Variants in OSBPL10 observed in about 807,000 individuals in gnomAD.
OSBPL10 encodes oxysterol-binding protein-related protein 10.
In OSBPL10, 49 loss-of-function variants were observed where a neutral mutation model predicts 81.7. The ratio of observed to expected loss-of-function variants is 0.60; its 90% CI spans 0.48 to 0.76. The LOEUF is 0.76. OSBPL10 is among the 30% of genes least tolerant of loss of function. The pLI is 0.00. For missense variants in OSBPL10, 923 were observed against 987.8 expected (o/e 0.93, Z 0.88); for synonymous variants, 419 against 383.6 (o/e 1.09, Z -1.08).
Position 31,981,126 on chromosome 3 carries a change from G to A in OSBPL10, c.54C>T (p.Ser18=). The A allele has an allele frequency of 2.0e-6, 3 of 1,492,918 alleles. No individual in the cohort carries two copies. In the South Asian group the frequency reaches 3.8e-5, roughly 19 times the overall value. The allele number at this position is 1,492,918 out of a possible 1,614,324, so 92.5% of individuals were successfully genotyped here. A position where few individuals can be genotyped will look rare whatever the true frequency, so the allele number is the denominator to read the frequency against. The change falls in exon 1 of 12, where the codon AGC becomes AGT. Residue 18 remains serine (S), a synonymous_variant. Coordinates refer to ENST00000396556, the MANE Select transcript of OSBPL10 (RefSeq NM_017784.5). This position sits in a 1 kb window ranked among gnomAD's most constrained non-coding sequence, Gnocchi z 4.5. ...CCGAGGTAGCACGGCTGCTGCTGCG[G>A]CTGCTGCTGTTGCTACCCCCGCCGC... The part of the protein sequence containing the change: ...TDGGGGSNSS[S]RSSSRATSAG...
In OSBPL10 at chr3:32,000,477, G is replaced by A. The variant is rs558755774; in HGVS notation, n.298+46014C>T. Among the ~76,000 whole-genome samples, 3 of 152,304 alleles carry A rather than the reference G, an allele frequency of 2.0e-5. No individual in the cohort carries two copies. In the South Asian group the frequency reaches 6.2e-4, roughly 32 times the overall value. The stretch of plus-strand genomic sequence containing the variant: ...CACACCAGTGGGCCTCTGTGAGGGC[G>A]AAATGAAATTGTAAGGAGGCCAGCA... On this transcript the variant is annotated intron_variant and non_coding_transcript_variant, in intron 2 of 3. Coordinates refer to the OSBPL10 transcript ENST00000479173.
At chr3:31,726,594 G>A (rs1291082618) in intron 6 of OSBPL10, among the ~76,000 whole-genome samples, 4 of 152,128 alleles carry the variant, frequency 2.6e-5, no homozygotes, top group East Asian at 1.9e-4. Flanking sequence ...AATTACAGGC[G>A]TGAGCCACCG....
At chr3:31,912,490 C>T (rs1696612069) in intron 1 of OSBPL10, among the ~76,000 whole-genome samples, 1 of 152,006 alleles carries the variant, frequency 6.6e-6, no homozygotes, top group African/African-American at 2.4e-5. Flanking sequence ...TGAGAAGTTC[C>T]AAATGGCAGA....
intron 1 of OSBPL10, among the ~76,000 whole-genome samples, chr3:31,959,084 A>G (rs1698086245): frequency 6.6e-6 from 1 of 152,198 alleles, no homozygotes; most frequent in Admixed American, 6.5e-5. Context: ...GACGCACGCA[A>G]TGGAATCACA....
chr3:31,736,360 T>C (rs1234224103), intron 5 of OSBPL10, among the ~76,000 whole-genome samples: 1 of 152,212 alleles, frequency 6.6e-6, no homozygotes, highest in Non-Finnish European at 1.5e-5. Flanking sequence ...CTTCATGTTA[T>C]TTTTTAAAAG....
intron 3 of OSBPL10, among the ~76,000 whole-genome samples, chr3:31,862,794 T>C (rs796540689): frequency 1.6e-4 from 24 of 152,108 alleles, no homozygotes; most frequent in African/African-American, 5.5e-4. Flanking sequence ...TATGGAAAAA[T>C]TGGAACCCTA....
intron 4 of OSBPL10, among the ~76,000 whole-genome samples, chr3:31,801,691 A>G (rs1410655770): frequency 3.3e-5 from 5 of 152,214 alleles, no homozygotes; most frequent in African/African-American, 1.2e-4. Context: ...ATTGCAAGGA[A>G]AGAAAGAAGC....
chr3:31,722,522 T>C (rs1696678172), intron 6 of OSBPL10, among the ~76,000 whole-genome samples: 1 of 152,192 alleles, frequency 6.6e-6, no homozygotes, highest in Non-Finnish European at 1.5e-5. Flanking sequence ...AATGGGGTTT[T>C]TAAAAGCCAG....
At position 31,717,795 on chromosome 3, in the gene OSBPL10, G is replaced by A. The variant is rs193024754; in HGVS notation, c.1096-15287C>T. Among the ~76,000 whole-genome samples, 20 of 152,110 alleles carry A rather than the reference G, an allele frequency of 1.3e-4. 1 individual carries two copies. In the East Asian group the frequency reaches 2.9e-3, roughly 22 times the overall value. On this transcript the variant is annotated intron_variant, in intron 6 of 11. Transcript: ENST00000396556. ...ATTCATATTTTTTTCACATTATTCC[G>A]CTGCCATAAACCCCAAATGAGGCTC...
chr3:31,941,388 T>C (rs1433711186), intron 1 of OSBPL10, among the ~76,000 whole-genome samples: 3 of 152,192 alleles, frequency 2.0e-5, no homozygotes, highest in African/African-American at 4.8e-5. Flanking sequence ...GGGAAGACTC[T>C]TTGATGGATA....
rs1470438949 is a variant in OSBPL10 at position 32,066,193 on chromosome 3, G to A, written n.185+11203C>T. 2.9e-4 allele frequency among the ~76,000 whole-genome samples: 23 copies of A among 80,270 alleles called. 7 individuals are homozygous for A. Among genetic ancestry groups the A allele is most frequent in the Non-Finnish European group, 3.4e-4 (10 of 29,804 alleles). 52.7% of individuals were successfully genotyped at this position (80,270 alleles called of 152,430 possible). ...GGAAGGAAGGAAGGAAGGAAGGAAG[G>A]AAGGAAGGAAGGAAGGAAGGAAGGA... On this transcript the variant is annotated intron_variant and non_coding_transcript_variant, in intron 1 of 3. Transcript: ENST00000479173.
intron 10 of OSBPL10, among the ~76,000 whole-genome samples, chr3:31,665,473 G>A (rs993537875): frequency 6.6e-6 from 1 of 152,146 alleles, no homozygotes; most frequent in Non-Finnish European, 1.5e-5. Context: ...CAGCAGGAAG[G>A]CTTGAGTGCT....
intron 7 of OSBPL10, among the ~76,000 whole-genome samples, chr3:31,685,337 G>T (rs997697443): frequency 6.6e-6 from 1 of 152,072 alleles, no homozygotes; most frequent in Non-Finnish European, 1.5e-5. Context: ...TGAGTAGCTG[G>T]GACTACAGGC....
chr3:31,878,109 T>C (rs13091847), intron 2 of OSBPL10, among the ~76,000 whole-genome samples: 14,789 of 152,230 alleles, frequency 0.097, 819 homozygotes, highest in Middle Eastern at 0.17. Context: ...TTAGCAATTG[T>C]GATTATTCCA....
chr3:31,691,499 C>G (rs1433517147), intron 7 of OSBPL10, among the ~76,000 whole-genome samples: 3 of 152,088 alleles, frequency 2.0e-5, no homozygotes, highest in Admixed American at 1.3e-4. Context: ...GTGGGAGGAT[C>G]GCTTCAGCCC....
chr3:31,916,096 CAAA>C (rs1160687382), intron 1 of OSBPL10, among the ~76,000 whole-genome samples: 21 of 82,480 alleles, frequency 2.5e-4, no homozygotes, highest in East Asian at 6.9e-4. Flanking sequence ...AACTCCGTCT[CAAA>C]AAAAAAAAAA....
chr3:31,743,031 G>GTTTT lies in OSBPL10; in HGVS notation c.940+4875_940+4878dup, dbSNP rs10715360. ...AAGTCTTGACCGAAAAGCTAAATTAGTTTTTTTTTTTTTTTTTTTTTTTTT... is the reference window on the plus strand; with the variant it reads ...AAGTCTTGACCGAAAAGCTAAATTAGTTTTTTTTTTTTTTTTTTTTTTTTTTTTT... On this transcript the variant is annotated intron_variant, in intron 5 of 11. Coordinates refer to ENST00000396556, the MANE Select transcript of OSBPL10 (RefSeq NM_017784.5). 2.6e-3 allele frequency among the ~76,000 whole-genome samples: 149 copies of GTTTT among 57,508 alleles called. 3 individuals are homozygous for GTTTT. Among genetic ancestry groups the GTTTT allele is most frequent in the African/African-American group, 7.4e-3 (117 of 15,710 alleles). 37.7% of individuals were successfully genotyped at this position (57,508 alleles called of 152,430 possible). A position where few individuals can be genotyped will look rare whatever the true frequency, so the allele number is the denominator to read the frequency against.
intron 1 of OSBPL10, among the ~76,000 whole-genome samples, chr3:32,051,764 A>G (rs958719984): frequency 2.0e-5 from 3 of 152,188 alleles, no homozygotes; most frequent in Non-Finnish European, 1.5e-5. Context: ...TCCTACAACT[A>G]CTAGATCTTC....
intron 1 of OSBPL10, among the ~76,000 whole-genome samples, chr3:31,889,412 C>T (rs1442728067): frequency 6.6e-6 from 1 of 152,090 alleles, no homozygotes; most frequent in Non-Finnish European, 1.5e-5. Context: ...TGTCCAACAA[C>T]AGATGAACGG....
Sources: allele counts gnomAD v4.1 joint callset (sites outside exome capture counted in the v4.1 genomes callset), GRCh38; gene constraint gnomAD v4.1.1; non-coding constraint Gnocchi (gnomAD v3.1); transcripts MANE v1.5; gene names NCBI Gene and HGNC (gene_info 2026-07-23, HGNC 2026-07-21).